The following CADM2 variants were observed in gnomAD, a reference collection of about 807,000 sequenced individuals.
The protein encoded by CADM2 is immunoglobulin superfamily member 4D.
A neutral mutation model predicts 49.8 loss-of-function variants in CADM2; 12 were observed. The ratio of observed to expected loss-of-function variants is 0.24; its 90% confidence interval spans 0.15 to 0.39. CADM2 has a LOEUF of 0.39. Ranked by LOEUF, CADM2 falls within the 10% of genes least tolerant of loss-of-function variation. CADM2 has a pLI of 1.00. For synonymous variants in CADM2, 214 were observed against 175.4 expected (o/e 1.22, Z -1.74); for missense variants, 378 against 492.3 (o/e 0.77, Z 2.20).
At chr3:86,042,253 A>G (rs1409538758) in intron 8 of CADM2, among the ~76,000 whole-genome samples, 2 of 152,168 alleles carry the variant, frequency 1.3e-5, no homozygotes, top group African/African-American at 4.8e-5. Context: ...GGAAATAGAG[A>G]CACAAAAAAC....
intron 1 of CADM2, among the ~76,000 whole-genome samples, chr3:85,454,949 T>G (rs2037925194): frequency 6.6e-6 from 1 of 152,230 alleles, no homozygotes; most frequent in Non-Finnish European, 1.5e-5. Flanking sequence ...TTATTTTTGA[T>G]GGTTGCCTTG....
At chr3:85,361,209 G>T (rs765060344) in intron 1 of CADM2, among the ~76,000 whole-genome samples, 5 of 152,132 alleles carry the variant, frequency 3.3e-5, no homozygotes, top group African/African-American at 1.2e-4. Context: ...ACTGCAAGCA[G>T]TTTAGCAGTG....
intron 8 of CADM2, among the ~76,000 whole-genome samples, chr3:86,002,281 G>C (rs1730279646): frequency 6.6e-6 from 1 of 152,094 alleles, no homozygotes; most frequent in Non-Finnish European, 1.5e-5. Flanking sequence ...TGAATCCACG[G>C]GATCGATGTT....
intron 1 of CADM2, among the ~76,000 whole-genome samples, chr3:84,982,737 A>ATATATATATATATG (rs1553663805): frequency 1.7e-5 from 2 of 115,376 alleles, no homozygotes; most frequent in Non-Finnish European, 3.4e-5. Context: ...ATATATATAC[A>ATATATATATATATG]TTTTTTGTTT....
intron 3 of CADM2, among the ~76,000 whole-genome samples, chr3:85,855,395 GTTAA>G (rs2075268064): frequency 6.6e-6 from 1 of 151,772 alleles, no homozygotes; most frequent in African/African-American, 2.4e-5. Flanking sequence ...CTCTTCCCTT[GTTAA>G]TTAAACATTT....
At chr3:85,421,208 T>C (rs2107497830) in intron 1 of CADM2, among the ~76,000 whole-genome samples, 1 of 152,272 alleles carries the variant, frequency 6.6e-6, no homozygotes, top group South Asian at 2.1e-4. Flanking sequence ...TTCCTGGAGG[T>C]CTGCCTGCTT....
intron 5 of CADM2, among the ~76,000 whole-genome samples, chr3:85,907,633 G>A (rs1355231777): frequency 6.6e-6 from 1 of 152,084 alleles, no homozygotes; most frequent in Admixed American, 6.6e-5. Context: ...GGTATTGGCT[G>A]GACACGGTGG....
chr3:85,264,617 T>C (rs1042257892), intron 1 of CADM2, among the ~76,000 whole-genome samples: 2 of 152,030 alleles, frequency 1.3e-5, no homozygotes, highest in Non-Finnish European at 2.9e-5. Flanking sequence ...TTCTCTACAC[T>C]TAATTTTGAA....
intron 3 of CADM2, among the ~76,000 whole-genome samples, chr3:85,869,440 C>T (rs1401492217): frequency 6.6e-6 from 1 of 151,982 alleles, no homozygotes; most frequent in South Asian, 2.1e-4. Flanking sequence ...TTTTGTTTTA[C>T]AATTAAATGG....
intron 1 of CADM2, among the ~76,000 whole-genome samples, chr3:85,505,053 C>A (rs935140774): frequency 2.6e-5 from 4 of 152,142 alleles, no homozygotes; most frequent in African/African-American, 9.6e-5. Flanking sequence ...CCGCTGGCGC[C>A]TCTCCCTCCA....
At chr3:85,554,722 T>A (rs62250463) in intron 1 of CADM2, among the ~76,000 whole-genome samples, 1 of 151,772 alleles carries the variant, frequency 6.6e-6, no homozygotes, top group African/African-American at 2.4e-5. Flanking sequence ...TTGTGACAAA[T>A]TCTTGCTGTG....
chr3:85,487,844 C>T (rs1236976953), intron 1 of CADM2, among the ~76,000 whole-genome samples: 1 of 151,974 alleles, frequency 6.6e-6, no homozygotes, highest in Non-Finnish European at 1.5e-5. Flanking sequence ...TACAATCTAT[C>T]TGACAAATGG....
Position 85,693,580 on chromosome 3 carries a change from A to AG in CADM2, c.62-32942_62-32941insG, listed in dbSNP as rs1306390625. ...CGGCGAAAGAGCAAAAAAAAAAAAA[A>AG]AAAAGAAAAGAAAAAATCAGAAGGA... On this transcript the variant is annotated intron_variant, in intron 1 of 9. Transcript: ENST00000383699. Among the ~76,000 whole-genome samples the AG allele has an allele frequency of 3.3e-3, 483 of 147,534 alleles. 2 individuals are homozygous for AG. The highest frequency in any genetic ancestry group is 0.011 in the African/African-American group (453 of 40,030).
chr3:85,483,679 G>T (rs1490294551), intron 1 of CADM2, among the ~76,000 whole-genome samples: 1 of 149,380 alleles, frequency 6.7e-6, no homozygotes, highest in Non-Finnish European at 1.5e-5. Flanking sequence ...TATATTTTAG[G>T]AACATATCTA....
intron 1 of CADM2, among the ~76,000 whole-genome samples, chr3:85,568,440 T>TC: frequency 2.8e-5 from 1 of 35,944 alleles, no homozygotes; most frequent in African/African-American, 9.8e-5. Context: ...TCTTTCTTTC[T>TC]TTCTTTCTTT....
intron 1 of CADM2, among the ~76,000 whole-genome samples, chr3:85,701,922 GGAA>G (rs1191421988): frequency 1.3e-5 from 2 of 149,410 alleles, no homozygotes; most frequent in African/African-American, 4.9e-5. Context: ...TAAAGAAAAA[GGAA>G]GAAAGAAAAA....
intron 1 of CADM2, among the ~76,000 whole-genome samples, chr3:85,137,150 A>G (rs1421681242): frequency 6.6e-6 from 1 of 152,042 alleles, no homozygotes; most frequent in African/African-American, 2.4e-5. Context: ...TCATTAAGAC[A>G]TCAATTAAAT....
At chr3:85,866,114 C>T (rs182462325) in intron 3 of CADM2, among the ~76,000 whole-genome samples, 22 of 152,022 alleles carry the variant, frequency 1.4e-4, no homozygotes, top group Admixed American at 5.9e-4. Context: ...CTCTTCTGGG[C>T]GACAGAGTGA....
At chr3:85,053,105 G>C (rs1169266340) in intron 1 of CADM2, among the ~76,000 whole-genome samples, 3 of 151,956 alleles carry the variant, frequency 2.0e-5, no homozygotes, top group African/African-American at 7.2e-5. Flanking sequence ...ATTCAAAATT[G>C]CTAATGATAG....
Sources: gnomAD v4.1 joint callset for allele counts (sites outside exome capture counted in the v4.1 genomes callset) on GRCh38, gnomAD v4.1.1 for gene constraint, MANE v1.5 for transcripts, NCBI Gene and HGNC (gene_info 2026-07-23, HGNC 2026-07-21) for gene names.